ROBO2: variants seen among roughly 807,000 people sequenced by gnomAD.
ROBO2 encodes the protein roundabout guidance receptor 2.
ROBO2 carries 53 observed loss-of-function variants against 160.8 expected under a neutral mutation model. The ratio of observed to expected loss-of-function variants is 0.33; its 90% CI spans 0.26 to 0.41. The LOEUF is 0.41. Ranked by LOEUF, ROBO2 falls within the 10% of genes least tolerant of loss-of-function variation. The pLI, the probability that ROBO2 is intolerant of heterozygous loss-of-function variation, is 1.00. For missense variants in ROBO2, 1,577 were observed against 1,722.4 expected, an observed-to-expected ratio of 0.92 and a Z score of 1.49; for synonymous variants, 664 against 611.7, an observed-to-expected ratio of 1.09 and a Z score of -1.26.
At chr3:76,711,061 C>A (rs1046063059) in intron 2 of ROBO2, among the ~76,000 whole-genome samples, 1 of 152,146 alleles carries the variant, frequency 6.6e-6, no homozygotes, top group African/African-American at 2.4e-5. Flanking sequence ...TATATTATTG[C>A]TATCGCTGCT....
At chr3:77,167,604 T>C (rs1469024065) in intron 2 of ROBO2, among the ~76,000 whole-genome samples, 1 of 152,206 alleles carries the variant, frequency 6.6e-6, no homozygotes, top group Non-Finnish European at 1.5e-5. Flanking sequence ...ATATAAGTCT[T>C]TTTCTGTATT....
At chr3:76,244,704 C>CAGGA (rs1459586669) in intron 2 of ROBO2, among the ~76,000 whole-genome samples, 1 of 152,044 alleles carries the variant, frequency 6.6e-6, no homozygotes, top group Non-Finnish European at 1.5e-5. Context: ...ATCTAGACCT[C>CAGGA]GCACTGAGGC....
intron 2 of ROBO2, among the ~76,000 whole-genome samples, chr3:77,281,534 T>C (rs2060240676): frequency 6.6e-6 from 1 of 151,854 alleles, no homozygotes; most frequent in South Asian, 2.1e-4. Flanking sequence ...GAAATAGTCT[T>C]AGAAATGCGT....
Position 77,449,063 on chromosome 3 carries a change from G to A in ROBO2, c.389-28351G>A, listed in dbSNP as rs921575195. 3.3e-5 allele frequency among the ~76,000 whole-genome samples: 5 copies of A among 152,188 alleles called. No individual in the cohort carries two copies. In the East Asian group the frequency reaches 5.8e-4, roughly 18 times the overall value. ...TGAAAAGAAAGGTAAACATTTCTAA[G>A]CATACTGAGTATTCAATTAGATATG... On this transcript the variant is annotated intron_variant, in intron 2 of 25. Coordinates refer to ENST00000461745, the Ensembl canonical transcript of ROBO2.
At chr3:76,668,676 C>T (rs2092147183) in intron 2 of ROBO2, among the ~76,000 whole-genome samples, 1 of 151,808 alleles carries the variant, frequency 6.6e-6, no homozygotes, top group Admixed American at 6.6e-5. Flanking sequence ...AGAACTTTCC[C>T]ACAATTAGGA....
intron 2 of ROBO2, among the ~76,000 whole-genome samples, chr3:76,871,502 C>A (rs1198160080): frequency 6.9e-6 from 1 of 145,908 alleles, no homozygotes; most frequent in Non-Finnish European, 1.5e-5. Flanking sequence ...TGCAGTGAGC[C>A]GAGATCCCGC....
chr3:76,326,906 G>A (rs1288566403), intron 2 of ROBO2, among the ~76,000 whole-genome samples: 1 of 151,626 alleles, frequency 6.6e-6, no homozygotes, highest in African/African-American at 2.4e-5. Flanking sequence ...TACTGAGAAT[G>A]ATGGTTTCCA....
At chr3:76,861,471 ACTC>A (rs1639123464) in intron 2 of ROBO2, among the ~76,000 whole-genome samples, 1 of 151,404 alleles carries the variant, frequency 6.6e-6, no homozygotes, top group South Asian at 2.1e-4. Flanking sequence ...TCTTCCTCTC[ACTC>A]CTCCTCCCTT....
At chr3:75,989,869 A>G (rs2107504788) in intron 2 of ROBO2, among the ~76,000 whole-genome samples, 1 of 152,378 alleles carries the variant, frequency 6.6e-6, no homozygotes, top group African/African-American at 2.4e-5. Flanking sequence ...TTTGCATGTC[A>G]GCAATTGCAG....
chr3:77,179,270 C>T (rs1453616010), intron 2 of ROBO2, among the ~76,000 whole-genome samples: 1 of 150,620 alleles, frequency 6.6e-6, no homozygotes, highest in African/African-American at 2.4e-5. Flanking sequence ...CTTCACTTCT[C>T]GGGAGATTGA....
At chr3:76,060,538 A>T (rs934350726) in intron 2 of ROBO2, among the ~76,000 whole-genome samples, 2 of 152,230 alleles carry the variant, frequency 1.3e-5, no homozygotes, top group Non-Finnish European at 2.9e-5. Context: ...ATTGGCTTCC[A>T]CAAAAGGTGG....
chr3:76,981,874 A>C (rs1388065677), intron 2 of ROBO2, among the ~76,000 whole-genome samples: 1 of 152,036 alleles, frequency 6.6e-6, no homozygotes. Flanking sequence ...AAGATGCCAC[A>C]CAGTTTTAAA....
At chr3:76,588,005 A>G (rs1350582183) in intron 2 of ROBO2, among the ~76,000 whole-genome samples, 1 of 152,160 alleles carries the variant, frequency 6.6e-6, no homozygotes, top group African/African-American at 2.4e-5. Flanking sequence ...AGTTGTTGGA[A>G]TGATTACTTA....
At chr3:77,434,350 T>G (rs574748692) in intron 2 of ROBO2, among the ~76,000 whole-genome samples, 1 of 152,246 alleles carries the variant, frequency 6.6e-6, no homozygotes, top group East Asian at 1.9e-4. Context: ...TTCACAACTG[T>G]AATTAAGTAA....
At chr3:76,511,428 CTG>C (rs2081082442) in intron 2 of ROBO2, among the ~76,000 whole-genome samples, 1 of 152,214 alleles carries the variant, frequency 6.6e-6, no homozygotes, top group African/African-American at 2.4e-5. Context: ...TCCTTTCTAA[CTG>C]TTCTGCTCAT....
chr3:76,016,906 C>G (rs778520872), intron 2 of ROBO2, among the ~76,000 whole-genome samples: 1 of 151,882 alleles, frequency 6.6e-6, no homozygotes, highest in Non-Finnish European at 1.5e-5. Context: ...AGAGGGAACC[C>G]ATATAATGGA....
chr3:76,398,329 G>GT (rs1459878853), intron 2 of ROBO2, among the ~76,000 whole-genome samples: 2 of 142,694 alleles, frequency 1.4e-5, no homozygotes, highest in East Asian at 2.0e-4. Context: ...CTGTTGTGGG[G>GT]TGGGGGGAGG....
At chr3:76,262,849 A>G (rs1039564272) in intron 2 of ROBO2, among the ~76,000 whole-genome samples, 12 of 152,154 alleles carry the variant, frequency 7.9e-5, no homozygotes, top group African/African-American at 2.9e-4. Flanking sequence ...TATGCTTGGT[A>G]GGGCACAGCT....
intron 25 of ROBO2, among the ~76,000 whole-genome samples, chr3:77,645,595 A>C (rs2095405137): frequency 6.6e-6 from 1 of 152,310 alleles, no homozygotes; most frequent in Non-Finnish European, 1.5e-5. Context: ...TAACTGCCTC[A>C]TCAGAAAAAT....
Sources: gnomAD v4.1 joint callset for allele counts (sites outside exome capture counted in the v4.1 genomes callset) on GRCh38, gnomAD v4.1.1 for gene constraint, MANE v1.5 for transcripts, NCBI Gene and HGNC (gene_info 2026-07-23, HGNC 2026-07-21) for gene names.